The following CCDC146 variants were observed in gnomAD, a reference collection of about 807,000 sequenced individuals.
CCDC146 encodes the protein coiled-coil domain containing 146, also known as coiled-coil domain-containing protein 146.
Under a neutral mutation model 119.3 loss-of-function variants are expected in CCDC146, and 92 were observed. That is an observed-to-expected ratio of 0.77 (90% CI 0.65 to 0.92). The LOEUF (loss-of-function observed/expected upper bound fraction) is 0.92. Among genes scored for constraint, CCDC146 ranks in the 40% least tolerant of loss-of-function variants. The pLI, the probability that CCDC146 is intolerant of heterozygous loss-of-function variation, is 0.00. For missense variants in CCDC146, 1,000 were observed against 1,103.0 expected, an observed-to-expected ratio of 0.91 and a Z score of 1.32; for synonymous variants, 372 against 371.8, an observed-to-expected ratio of 1.00 and a Z score of -0.01.
chr7:77,241,639 C>T, intron 3 of CCDC146, 52 bp from the exon 4 acceptor site: 1 of 1,520,424 alleles, frequency 6.6e-7, no homozygotes, highest in East Asian at 2.3e-5. Context: ...ACAGGAGCCA[C>T]CGAGGATGTA....
At chr7:77,237,652 CCCTGTCTGTACTTCTCA>C (rs1203829984) in intron 3 of CCDC146, among the ~76,000 whole-genome samples, 3 of 152,166 alleles carry the variant, frequency 2.0e-5, no homozygotes, top group Non-Finnish European at 4.4e-5. Flanking sequence ...TCTGCTGAGA[CCCTGTCTGTACTTCTCA>C]CCTCCTCCCC....
chr7:77,124,526 A>G (rs187309737), intron 1 of CCDC146, among the ~76,000 whole-genome samples: 20 of 152,336 alleles, frequency 1.3e-4, no homozygotes, highest in Admixed American at 1.2e-3. Context: ...ATTAAGATTA[A>G]GCAATTAGAA....
intron 2 of CCDC146, among the ~76,000 whole-genome samples, chr7:77,185,731 C>T (rs1269581636): frequency 3.3e-5 from 5 of 152,084 alleles, no homozygotes; most frequent in East Asian, 1.9e-4. Flanking sequence ...GAAAACATGA[C>T]GTCACCAAAT....
intron 1 of CCDC146, among the ~76,000 whole-genome samples, chr7:77,144,652 T>C (rs1790987468): frequency 6.6e-6 from 1 of 151,848 alleles, no homozygotes; most frequent in Admixed American, 6.6e-5. Flanking sequence ...GTCAAAGGCT[T>C]TTTCTGCATC....
chr7:77,171,537 T>C (rs960988834), intron 2 of CCDC146, among the ~76,000 whole-genome samples: 1 of 152,208 alleles, frequency 6.6e-6, no homozygotes, highest in African/African-American at 2.4e-5. Flanking sequence ...TCCAGACTTA[T>C]CTGCGCTCCC....
chr7:77,262,158 G>T lies in CCDC146; in HGVS notation c.1024G>T (p.Asp342Tyr). Reference sequence around the variant, plus strand: ...TCTCAATTTACGCAACAGTCTCATTGACAAGCAGAACTACCATGATGAACT... The same window carrying T: ...TCTCAATTTACGCAACAGTCTCATTTACAAGCAGAACTACCATGATGAACT... Reference protein sequence around the residue: ...LDLNLRNSLIDKQNYHDELSR... With the variant: ...LDLNLRNSLIYKQNYHDELSR... The change falls in exon 9 of 19, where the codon GAC becomes TAC. Residue 342 changes from aspartate (D) to tyrosine (Y), a missense_variant. Physicochemically the swap from Asp to Tyr is radical, Grantham distance 160. Around this residue, in one of 2 missense-constraint regions of CCDC146, gnomAD observed 985 missense variants for 1,045.3 expected, o/e 0.94. Transcript: ENST00000285871. 1 of 1,611,358 alleles carries T rather than the reference G, an allele frequency of 6.2e-7. No homozygotes were observed. Among genetic ancestry groups the T allele is most frequent in the Non-Finnish European group, 8.5e-7 (1 of 1,179,094 alleles).
intron 1 of CCDC146, among the ~76,000 whole-genome samples, chr7:77,158,302 T>G (rs939393008): frequency 8.5e-5 from 13 of 152,170 alleles, no homozygotes; most frequent in African/African-American, 3.1e-4. Context: ...GATATAAGTC[T>G]CTAGAATTAC....
chr7:77,128,754 C>A (rs1790743210), intron 1 of CCDC146, among the ~76,000 whole-genome samples: 1 of 152,210 alleles, frequency 6.6e-6, no homozygotes, highest in South Asian at 2.1e-4. Flanking sequence ...CACTGTCTCT[C>A]TGAATAGAGG....
intron 16 of CCDC146, 138 bp from the exon 17 acceptor site, chr7:77,287,302 G>A (rs1793865368): frequency 2.3e-6 from 2 of 854,114 alleles, no homozygotes; most frequent in Admixed American, 5.1e-5. Flanking sequence ...CTGGGGCAGG[G>A]AAAGTCTTAA....
At chr7:77,140,957 A>C (rs1365221025) in intron 1 of CCDC146, among the ~76,000 whole-genome samples, 1 of 152,024 alleles carries the variant, frequency 6.6e-6, no homozygotes, top group African/African-American at 2.4e-5. Context: ...TCTGGGATAC[A>C]TGTGCAGAAT....
intron 1 of CCDC146, among the ~76,000 whole-genome samples, chr7:77,134,697 A>G (rs1180634574): frequency 6.6e-6 from 1 of 151,364 alleles, no homozygotes; most frequent in Non-Finnish European, 1.5e-5. Flanking sequence ...GGTTAATTGG[A>G]GAGTCCAAAT....
At chr7:77,231,563 G>C (rs1792627128) in intron 2 of CCDC146, among the ~76,000 whole-genome samples, 1 of 151,870 alleles carries the variant, frequency 6.6e-6, no homozygotes, top group East Asian at 1.9e-4. Context: ...TGATTCTTCT[G>C]CTTGCTCAAA....
chr7:77,184,305 C>G (rs923963460), intron 2 of CCDC146, among the ~76,000 whole-genome samples: 1 of 152,176 alleles, frequency 6.6e-6, no homozygotes, highest in Non-Finnish European at 1.5e-5. Context: ...CTTAGGGTCT[C>G]TGGAAACACA....
chr7:77,151,369 T>C (rs1270069839), intron 1 of CCDC146, among the ~76,000 whole-genome samples: 1 of 152,100 alleles, frequency 6.6e-6, no homozygotes, highest in Non-Finnish European at 1.5e-5. Context: ...GGTTATCATG[T>C]GCCAGTGAGC....
intron 1 of CCDC146, among the ~76,000 whole-genome samples, chr7:77,132,341 A>T (rs529136291): frequency 3.9e-5 from 6 of 152,158 alleles, no homozygotes; most frequent in African/African-American, 1.4e-4. Context: ...AGCAAATCAA[A>T]ATCAATAATA....
At chr7:77,201,594 G>C (rs966446041) in intron 2 of CCDC146, among the ~76,000 whole-genome samples, 1 of 147,702 alleles carries the variant, frequency 6.8e-6, no homozygotes, top group African/African-American at 2.5e-5. Context: ...AAAAAACTTA[G>C]AGCACTTAAG....
chr7:77,285,936 C>G (rs7786334), intron 15 of CCDC146, among the ~76,000 whole-genome samples: 40,308 of 152,146 alleles, frequency 0.26, 6,770 homozygotes, highest in African/African-American at 0.47. Context: ...AGCCATTAAA[C>G]CTATTGCCAG....
chr7:77,145,956 C>G (rs1328937498), intron 1 of CCDC146, among the ~76,000 whole-genome samples: 1 of 151,922 alleles, frequency 6.6e-6, no homozygotes, highest in African/African-American at 2.4e-5. Context: ...GAGCTGAGTT[C>G]AATTCCTGGA....
At chr7:77,224,231 T>C (rs577257026) in intron 2 of CCDC146, among the ~76,000 whole-genome samples, 2 of 152,338 alleles carry the variant, frequency 1.3e-5, no homozygotes, top group African/African-American at 4.8e-5. Flanking sequence ...TAATCATGGC[T>C]ACATTCCTTT....
Sources: allele counts gnomAD v4.1 joint callset (sites outside exome capture counted in the v4.1 genomes callset), GRCh38; gene constraint gnomAD v4.1.1; regional missense constraint gnomAD v4.1.1; transcripts MANE v1.5; gene names NCBI Gene and HGNC (gene_info 2026-07-23, HGNC 2026-07-21).